Variants in FAM178B observed in about 807,000 individuals in gnomAD.
FAM178B encodes protein FAM178B.
In FAM178B, 82 loss-of-function variants were observed where a neutral mutation model predicts 91.7. The ratio of observed to expected loss-of-function variants is 0.89; its 90% CI spans 0.75 to 1.07. The LOEUF (loss-of-function observed/expected upper bound fraction) is 1.07. Ranked by LOEUF, FAM178B falls within the 50% of genes least tolerant of loss-of-function variation. The probability of loss-of-function intolerance (pLI) is 0.00; values close to 1 mark genes in which losing one functional copy is unlikely to be tolerated. For missense variants in FAM178B, 769 were observed against 846.7 expected, an observed-to-expected ratio of 0.91 and a Z score of 1.14; for synonymous variants, 368 against 359.4, an observed-to-expected ratio of 1.02 and a Z score of -0.27.
chr2:96,878,569 TC>T, intron 14 of FAM178B, 76 bp from the exon 15 acceptor site: 2 of 1,370,906 alleles, frequency 1.5e-6, no homozygotes, highest in South Asian at 1.2e-5. Flanking sequence ...ACCTGCACAC[TC>T]CCCACTCTCA....
intron 8 of FAM178B, among the ~76,000 whole-genome samples, chr2:96,935,599 T>C (rs2081610615): frequency 1.3e-5 from 2 of 151,578 alleles, no homozygotes; most frequent in Admixed American, 1.3e-4. Flanking sequence ...CCTAAATGAA[T>C]AATCTATCAG....
intron 8 of FAM178B, among the ~76,000 whole-genome samples, chr2:96,931,921 C>T (rs1305180518): frequency 6.6e-6 from 1 of 151,500 alleles, no homozygotes; most frequent in African/African-American, 2.4e-5. Flanking sequence ...ACCCCTTACT[C>T]GCCTCACAAA....
In FAM178B at chr2:96,935,059, G is replaced by A. The variant is rs75176366; in HGVS notation, c.1079-5739C>T. ...TGTCACCTAATACCAGCAAGCACTC[G>A]AGGCCCCCGGTATGCGTGACAGAGC... On this transcript the variant is annotated intron_variant, in intron 8 of 16. Coordinates refer to ENST00000490605, the MANE Select transcript of FAM178B (RefSeq NM_001122646.3). Among the ~76,000 whole-genome samples, 638 of 152,196 alleles carry A rather than the reference G, an allele frequency of 4.2e-3. 24 individuals are homozygous for A. The highest frequency in any genetic ancestry group is 0.039 in the Admixed American group (593 of 15,288).
intron 14 of FAM178B, among the ~76,000 whole-genome samples, chr2:96,882,205 T>G (rs1252670469): frequency 6.6e-6 from 1 of 151,948 alleles, no homozygotes; most frequent in Admixed American, 6.6e-5. Context: ...ACCAGACCCC[T>G]CTCTCTGTGT....
intron 12 of FAM178B, among the ~76,000 whole-genome samples, chr2:96,905,556 CAAA>C (rs533970081): frequency 2.2e-5 from 2 of 90,652 alleles, no homozygotes. Flanking sequence ...GACTCCATCT[CAAA>C]AAAAAAAAAA....
At position 96,971,943 on chromosome 2, in the gene FAM178B, GA is replaced by G. The variant is rs1346884341; in HGVS notation, c.521del (p.Phe174SerfsTer7). The G allele has an allele frequency of 9.1e-6, 14 of 1,542,684 alleles. No individual in the cohort carries two copies. The highest frequency in any genetic ancestry group is 1.0e-5 in the Non-Finnish European group (12 of 1,143,476). On this transcript the variant is annotated frameshift_variant, in exon 3 of 17. Coordinates refer to ENST00000490605, the MANE Select transcript of FAM178B (RefSeq NM_001122646.3). LOFTEE classifies it high-confidence loss of function. ...KRGLALPEKL[F>X]WNTSGLSQQA... ...GCTGGCTCAGGCCTGACGTGTTCCA[GA>G]ACAGCTTCTCTGGCAAGGCCAGGCC...
intron 8 of FAM178B, chr2:96,939,057 G>A (rs1040820087): frequency 6.6e-6 from 1 of 152,262 alleles, no homozygotes; most frequent in African/African-American, 2.4e-5. Context: ...ACAAAAATTA[G>A]ACGGGCATGG....
intron 6 of FAM178B, among the ~76,000 whole-genome samples, chr2:96,960,009 A>G (rs1171390852): frequency 6.6e-6 from 1 of 152,208 alleles, no homozygotes; most frequent in East Asian, 1.9e-4. Context: ...CTGTTCTGTG[A>G]CACTGGGGTG....
intron 11 of FAM178B, 96 bp downstream of exon 11, chr2:96,921,382 C>G (rs1480959676): frequency 2.6e-6 from 4 of 1,511,090 alleles, no homozygotes; most frequent in Non-Finnish European, 3.6e-6. Flanking sequence ...TTCCGATGAC[C>G]TCCAGGCAGT....
At chr2:96,907,306 T>C (rs1445350858) in intron 12 of FAM178B, among the ~76,000 whole-genome samples, 1 of 151,986 alleles carries the variant, frequency 6.6e-6, no homozygotes, top group Admixed American at 6.6e-5. Context: ...ACTTATTCCA[T>C]GGAGAAGAAA....
intron 5 of FAM178B, among the ~76,000 whole-genome samples, chr2:96,962,238 G>A (rs1175850941): frequency 1.3e-5 from 2 of 152,140 alleles, no homozygotes; most frequent in South Asian, 2.1e-4. Flanking sequence ...GGAGGTGGAT[G>A]TTGCGGTAAG....
chr2:96,939,561 G>A (rs745946341), intron 8 of FAM178B, among the ~76,000 whole-genome samples: 25 of 152,160 alleles, frequency 1.6e-4, no homozygotes, highest in Admixed American at 1.3e-3. Context: ...AGCTGCTGAG[G>A]GGAAGGAGGA....
chr2:96,971,700 C>T (rs1273959209), intron 3 of FAM178B, among the ~76,000 whole-genome samples: 1 of 152,240 alleles, frequency 6.6e-6, no homozygotes, highest in Non-Finnish European at 1.5e-5. Context: ...GGTGGAGACA[C>T]AGGGCGAGGT....
intron 1 of FAM178B, among the ~76,000 whole-genome samples, chr2:96,978,920 C>T (rs535939476): frequency 1.3e-5 from 2 of 150,216 alleles, no homozygotes; most frequent in Admixed American, 1.3e-4. Context: ...CCACTGCACC[C>T]GGCCGATTTC....
intron 8 of FAM178B, among the ~76,000 whole-genome samples, chr2:96,938,048 A>C (rs1027325113): frequency 6.6e-6 from 1 of 152,128 alleles, no homozygotes; most frequent in Non-Finnish European, 1.5e-5. Context: ...ACAACAAAAA[A>C]GTGCTCTCCG....
chr2:96,921,525 G>C lies in FAM178B; in HGVS notation c.1417C>G (p.Gln473Glu). 6.4e-7 allele frequency: 1 copy of C among 1,551,720 alleles called. No homozygotes were observed. The highest frequency in any genetic ancestry group is 8.7e-7 in the Non-Finnish European group (1 of 1,146,992). The part of the protein sequence containing the change: ...LRLLPKVDLQ[Q>E]LLLLLLENIR... ...TTCTCCAGGAGCAAGAGGAGAAGCT[G>C]CTGGAGGTCAACTTTGGGCAGCAGG... The change falls in exon 11 of 17, where the codon CAG becomes GAG. Residue 473 changes from glutamine (Q) to glutamate (E), a missense_variant. Transcript: ENST00000490605.
intron 14 of FAM178B, among the ~76,000 whole-genome samples, chr2:96,882,924 C>A (rs886570349): frequency 6.6e-6 from 1 of 152,234 alleles, no homozygotes; most frequent in Non-Finnish European, 1.5e-5. Context: ...AGGGCATGCC[C>A]GGACCCAATA....
At chr2:96,961,153 C>T (rs1330228302) in intron 5 of FAM178B, among the ~76,000 whole-genome samples, 5 of 152,090 alleles carry the variant, frequency 3.3e-5, no homozygotes, top group African/African-American at 7.2e-5. Flanking sequence ...TCAACAGTAT[C>T]GGAGAGAGGT....
At chr2:96,974,858 G>A (rs1275066305) in intron 1 of FAM178B, among the ~76,000 whole-genome samples, 1 of 152,066 alleles carries the variant, frequency 6.6e-6, no homozygotes, top group Non-Finnish European at 1.5e-5. Flanking sequence ...GGGAGGCCGA[G>A]GCGGGCGTTA....
Sources: gnomAD v4.1 joint callset for allele counts (sites outside exome capture counted in the v4.1 genomes callset) on GRCh38, gnomAD v4.1.1 for gene constraint, MANE v1.5 for transcripts, NCBI Gene and HGNC (gene_info 2026-07-23, HGNC 2026-07-21) for gene names.